NUDT19: variants seen among roughly 807,000 people sequenced by gnomAD.
NUDT19 encodes acyl-coenzyme A diphosphatase NUDT19.
In NUDT19, 31 loss-of-function variants were observed where a neutral mutation model predicts 22.2. The observed-to-expected ratio is 1.40, with a 90% CI of 1.05 to 1.89. The LOEUF is 1.89. Among genes scored for constraint, NUDT19 ranks in the 40% most tolerant of loss-of-function variants. The probability of loss-of-function intolerance (pLI) is 0.00; values close to 1 mark genes in which losing one functional copy is unlikely to be tolerated. For synonymous variants in NUDT19, 325 were observed against 230.8 expected (o/e 1.41, Z -3.70); for missense variants, 752 against 514.2 (o/e 1.46, Z -4.47).
At chr19:32,699,199 A>G (rs1968303149) in intron 1 of NUDT19, among the ~76,000 whole-genome samples, 1 of 152,204 alleles carries the variant, frequency 6.6e-6, no homozygotes, top group Non-Finnish European at 1.5e-5. Context: ...CCTAGAAATC[A>G]TTCTTACAGG....
At chr19:32,698,865 G>T (rs1380096230) in intron 1 of NUDT19, among the ~76,000 whole-genome samples, 1 of 152,170 alleles carries the variant, frequency 6.6e-6, no homozygotes, top group African/African-American at 2.4e-5. Context: ...GCATTCTCCT[G>T]TTAGTATTGG....
At chr19:32,692,734 C>A in intron 1 of NUDT19, 60 bp downstream of exon 1, 1 of 1,316,230 alleles carries the variant, frequency 7.6e-7, no homozygotes. Context: ...GGACCCCTCC[C>A]AGCGGCCCAG....
intron 1 of NUDT19, among the ~76,000 whole-genome samples, chr19:32,696,008 A>G (rs1223905449): frequency 6.6e-6 from 1 of 152,156 alleles, no homozygotes; most frequent in Non-Finnish European, 1.5e-5. Flanking sequence ...ATGAACTTCC[A>G]TCGGTATATA....
In NUDT19 at chr19:32,692,391, G is replaced by C. The variant is rs754769982; in HGVS notation, c.431G>C (p.Arg144Thr). The C allele has an allele frequency of 1.3e-5, 20 of 1,581,532 alleles. No individual in the cohort carries two copies. Among genetic ancestry groups the C allele is most frequent in the Non-Finnish European group, 1.6e-5 (19 of 1,171,916 alleles). Residue 144 changes from arginine (R) to threonine (T), a missense_variant, in exon 1 of 3, where the codon AGG (arginine) becomes ACG (threonine). Transcript: ENST00000397061. ...EEAGVLLLRP[R>T]TSPPGPAPGP... Reference sequence around the variant, plus strand: ...GCGGGCGTGCTGCTGCTGCGGCCCAGGACTTCCCCACCAGGCCCAGCACCC... The same window carrying C: ...GCGGGCGTGCTGCTGCTGCGGCCCACGACTTCCCCACCAGGCCCAGCACCC...
chr19:32,699,131 G>A (rs1372054106), intron 1 of NUDT19, among the ~76,000 whole-genome samples: 1 of 152,210 alleles, frequency 6.6e-6, no homozygotes, highest in Non-Finnish European at 1.5e-5. Context: ...CAAAAACTGT[G>A]TCTTTCTGAT....
At chr19:32,699,855 A>G (rs1968313314) in intron 1 of NUDT19, among the ~76,000 whole-genome samples, 1 of 151,856 alleles carries the variant, frequency 6.6e-6, no homozygotes, top group Admixed American at 6.6e-5. Flanking sequence ...TCAGATATTC[A>G]GATGTGTCCG....
chr19:32,693,640 T>A (rs187232511), intron 1 of NUDT19, among the ~76,000 whole-genome samples: 23 of 152,280 alleles, frequency 1.5e-4, no homozygotes, highest in Non-Finnish European at 3.1e-4. Flanking sequence ...AGAGTGCGGA[T>A]TGGTGCGTTT....
chr19:32,696,848 C>T (rs1464397584), intron 1 of NUDT19, among the ~76,000 whole-genome samples: 1 of 152,126 alleles, frequency 6.6e-6, no homozygotes, highest in African/African-American at 2.4e-5. Context: ...AAGTCAATTT[C>T]CTGGCCCTCA....
intron 1 of NUDT19, among the ~76,000 whole-genome samples, chr19:32,699,349 C>G (rs542435894): frequency 4.9e-4 from 75 of 152,302 alleles, no homozygotes; most frequent in African/African-American, 1.7e-3. Context: ...GGGTGAGTCT[C>G]GCCTGTGCGA....
rs1246002806 is a variant in NUDT19, at chr19:32,712,648, C to T, written c.*691C>T. On this transcript the variant is annotated 3_prime_UTR_variant, in exon 3 of 3. Coordinates refer to ENST00000397061, the MANE Select transcript of NUDT19 (RefSeq NM_001105570.2). ...CCTCATGATCTGCCCGCCTTGGCCT[C>T]CCAAAGTGTGGGATTACAGGCGTGA... 1 of 152,222 alleles carries T rather than the reference C, an allele frequency of 6.6e-6. No individual in the cohort carries two copies. The highest frequency in any genetic ancestry group is 2.4e-5 in the African/African-American group (1 of 41,426). The allele number at this position is 152,222 out of a possible 1,614,324, so 9.4% of individuals were successfully genotyped here.
Position 32,692,474 on chromosome 19 carries a change from C to A in NUDT19, c.514C>A (p.Arg172Ser). 1 of 1,548,382 alleles carries A rather than the reference C, an allele frequency of 6.5e-7. No individual in the cohort carries two copies. Among genetic ancestry groups the A allele is most frequent in the South Asian group, 1.2e-5 (1 of 85,110 alleles). ...PGLASWRDRV[R>S]QDPRHFLRLC... Reference sequence around the variant, plus strand: ...CCTGGCCTCCTGGCGCGACCGCGTGCGCCAGGACCCGCGCCACTTCCTGCG... The same window carrying A: ...CCTGGCCTCCTGGCGCGACCGCGTGAGCCAGGACCCGCGCCACTTCCTGCG... The change falls in exon 1 of 3, where the codon CGC (arginine) becomes AGC (serine). Residue 172 changes from arginine to serine, a missense_variant. Physicochemically the swap from Arg to Ser is moderately radical, Grantham distance 110 (BLOSUM62 -1). Coordinates refer to ENST00000397061, the MANE Select transcript of NUDT19 (RefSeq NM_001105570.2).
rs1400439130 is a variant in NUDT19, at chr19:32,692,601, C to G, written c.641C>G (p.Thr214Arg). 1.3e-6 allele frequency: 2 copies of G among 1,574,632 alleles called. No individual in the cohort carries two copies. Among genetic ancestry groups the G allele is most frequent in the South Asian group, 2.3e-5 (2 of 85,840 alleles). The change falls in exon 1 of 3, where the codon ACG (threonine) becomes AGG (arginine). Residue 214 changes from threonine (T) to arginine (R), a missense_variant. Coordinates refer to ENST00000397061, the MANE Select transcript of NUDT19 (RefSeq NM_001105570.2). ...CGGGGCACCACTCGCCGCTTTGACA[C>G]GGCCTTCTTCCTGTGCTGCCTGCGC... ...FLRGTTRRFDTAFFLCCLREP... is the reference protein window; with the variant it reads ...FLRGTTRRFDRAFFLCCLREP...
intron 1 of NUDT19, 36 bp downstream of exon 1, chr19:32,692,710 G>A (rs1302457347): frequency 2.1e-6 from 3 of 1,405,220 alleles, no homozygotes; most frequent in Admixed American, 2.9e-5. Context: ...CGGACCGCCA[G>A]GACGTGAGAG....
At position 32,692,409 on chromosome 19, in the gene NUDT19, C is replaced by CTGG; in HGVS notation, c.449_450insTGG (p.Pro150_Ala151insGly). On this transcript the variant is annotated inframe_insertion, in exon 1 of 3. Transcript: ENST00000397061. ...CGGCCCAGGACTTCCCCACCAGGCCCAGCACCCGGGCCTGGCCTCGCCCTG... is the reference window on the plus strand; with the variant it reads ...CGGCCCAGGACTTCCCCACCAGGCCCTGGAGCACCCGGGCCTGGCCTCGCCCTG... The CTGG allele has an allele frequency of 6.4e-7, 1 of 1,568,680 alleles. No homozygotes were observed. Among genetic ancestry groups the CTGG allele is most frequent in the South Asian group, 1.1e-5 (1 of 88,144 alleles).
In NUDT19 at chr19:32,692,359, T is replaced by G; in HGVS notation, c.399T>G (p.Phe133Leu). The G allele has an allele frequency of 3.1e-6, 5 of 1,590,314 alleles. No individual in the cohort carries two copies. Among genetic ancestry groups the G allele is most frequent in the Non-Finnish European group, 3.4e-6 (4 of 1,176,086 alleles). The change falls in exon 1 of 3, where the codon TTT becomes TTG. Residue 133 changes from phenylalanine to leucine, a missense_variant. Physicochemically the swap from Phe to Leu is conservative, Grantham distance 22. Coordinates refer to ENST00000397061, the MANE Select transcript of NUDT19 (RefSeq NM_001105570.2). ...AFRICAVREA[F>L]EEAGVLLLRP... ...GCATCTGCGCCGTGCGGGAGGCCTT[T>G]GAGGAGGCGGGCGTGCTGCTGCTGC...
chr19:32,703,099 T>C (rs981684071), intron 1 of NUDT19, among the ~76,000 whole-genome samples: 1 of 152,198 alleles, frequency 6.6e-6, no homozygotes, highest in African/African-American at 2.4e-5. Context: ...CCTCCTGGGT[T>C]CAAGTGATTC....
In NUDT19 at chr19:32,691,927, C is replaced by T; in HGVS notation, c.-34C>T. The T allele has an allele frequency of 4.2e-6, 5 of 1,182,208 alleles. No homozygotes were observed. The South Asian group carries it at 1.3e-4, about 31-fold the overall frequency. 73.2% of individuals were successfully genotyped at this position (1,182,208 alleles called of 1,614,324 possible). A position where few individuals can be genotyped will look rare whatever the true frequency, so the allele number is the denominator to read the frequency against. On this transcript the variant is annotated 5_prime_UTR_variant, in exon 1 of 3. Transcript: ENST00000397061. ...CGGGCCACCTGCCGTGGAGCTCAGG[C>T]CGCGCCAGAATCGGATCCGGGAAGC...
intron 1 of NUDT19, among the ~76,000 whole-genome samples, chr19:32,693,372 G>C (rs910331932): frequency 6.6e-6 from 1 of 152,184 alleles, no homozygotes; most frequent in Non-Finnish European, 1.5e-5. Flanking sequence ...TGGTGGGTTT[G>C]TGGTCTCGCT....
In NUDT19 at chr19:32,707,258, T is replaced by G. The variant is rs1392746606; in HGVS notation, c.715-1927T>G. ...TCATACGGTTGCCTTGGAAATAACA[T>G]AGAGAGATTGGGTGGTCCTTTGAGG... On this transcript the variant is annotated intron_variant, in intron 1 of 2. Coordinates refer to ENST00000397061, the MANE Select transcript of NUDT19 (RefSeq NM_001105570.2). Among the ~76,000 whole-genome samples, 4 of 152,284 alleles carry G rather than the reference T, an allele frequency of 2.6e-5. No individual in the cohort carries two copies. The East Asian group carries it at 5.8e-4, about 22-fold the overall frequency.
Sources: gnomAD v4.1 joint callset for allele counts (sites outside exome capture counted in the v4.1 genomes callset) on GRCh38, gnomAD v4.1.1 for gene constraint, MANE v1.5 for transcripts, NCBI Gene and HGNC (gene_info 2026-07-23, HGNC 2026-07-21) for gene names.